SRRM4: variants seen among roughly 807,000 people sequenced by gnomAD.
The protein encoded by SRRM4 is serine/arginine repetitive matrix 4.
SRRM4 carries 33 observed loss-of-function variants against 68.9 expected under a neutral mutation model. The observed-to-expected ratio is 0.48, with a 90% CI of 0.36 to 0.64. The LOEUF (loss-of-function observed/expected upper bound fraction) is 0.64, where lower values mean the gene tolerates loss of function less well. Among genes scored for constraint, SRRM4 ranks in the 30% least tolerant of loss-of-function variants. SRRM4 has a pLI of 0.00. For missense variants in SRRM4, 817 were observed against 827.1 expected, an observed-to-expected ratio of 0.99 and a Z score of 0.15; for synonymous variants, 318 against 318.8, an observed-to-expected ratio of 1.00 and a Z score of 0.03.
chr12:119,086,258 G>A (rs939018976), intron 1 of SRRM4, among the ~76,000 whole-genome samples: 1 of 152,130 alleles, frequency 6.6e-6, no homozygotes, highest in African/African-American at 2.4e-5. Context: ...TCTTAGTTGG[G>A]CGCAAGTAAA....
intron 1 of SRRM4, among the ~76,000 whole-genome samples, chr12:119,026,397 A>G (rs866032299): frequency 6.6e-6 from 1 of 151,992 alleles, no homozygotes; most frequent in African/African-American, 2.4e-5. Context: ...GTGAGCGGTA[A>G]GAAAAAGGAC....
intron 1 of SRRM4, among the ~76,000 whole-genome samples, chr12:119,052,138 G>A (rs914654683): frequency 4.6e-5 from 7 of 152,166 alleles, no homozygotes; most frequent in East Asian, 1.9e-4. Flanking sequence ...GATGCAATGC[G>A]CCCAATTCAT....
chr12:119,058,849 TC>T, intron 1 of SRRM4, among the ~76,000 whole-genome samples: 1 of 152,300 alleles, frequency 6.6e-6, no homozygotes, highest in East Asian at 1.9e-4. Flanking sequence ...CTCTAAGGCT[TC>T]CCCTGCCAAT....
intron 1 of SRRM4, among the ~76,000 whole-genome samples, chr12:119,017,575 A>G (rs1953489629): frequency 6.6e-6 from 1 of 152,156 alleles, no homozygotes; most frequent in South Asian, 2.1e-4. Context: ...GAGTGGGAGC[A>G]GGGGAGGAGA....
chr12:119,091,391 G>T (rs1954013532), intron 1 of SRRM4, among the ~76,000 whole-genome samples: 1 of 152,098 alleles, frequency 6.6e-6, no homozygotes, highest in South Asian at 2.1e-4. Context: ...GATCTCCTGG[G>T]ACCCTCAAGA....
chr12:119,124,190 G>A (rs1954242610), intron 6 of SRRM4: 1 of 152,248 alleles, frequency 6.6e-6, no homozygotes, highest in Admixed American at 6.5e-5. Context: ...TGGGTTACCT[G>A]TCATCATCAC....
rs1304182776 is a variant in SRRM4, at chr12:119,162,606, TC to T, written c.*5809del. On this transcript the variant is annotated 3_prime_UTR_variant, in exon 13 of 13. Coordinates refer to ENST00000267260, the MANE Select transcript of SRRM4 (RefSeq NM_194286.4). ...GTCCAACATTCCCTTGGTAGCTTTT[TC>T]TCCGGGGTCCTGTGCTATAAGAACT... The T allele has an allele frequency of 6.6e-6, 1 of 152,156 alleles. No homozygotes were observed. The highest frequency in any genetic ancestry group is 1.5e-5 in the Non-Finnish European group (1 of 68,036). The allele number at this position is 152,156 out of a possible 1,614,324, so 9.4% of individuals were successfully genotyped here. A position where few individuals can be genotyped will look rare whatever the true frequency, so the allele number is the denominator to read the frequency against.
intron 1 of SRRM4, among the ~76,000 whole-genome samples, chr12:119,072,857 G>T (rs144866024): frequency 6.6e-6 from 1 of 152,280 alleles, no homozygotes; most frequent in African/African-American, 2.4e-5. Context: ...TACCCCCATT[G>T]TACAGAAGGA....
chr12:119,114,385 A>C lies in SRRM4; in HGVS notation c.365+21A>C. Reference sequence around the variant, plus strand: ...AGGAGGTAAGAGCACCAAGAGGGAGATAAAACCTGTAAGATGCAGGCAGGG... The same window carrying C: ...AGGAGGTAAGAGCACCAAGAGGGAGCTAAAACCTGTAAGATGCAGGCAGGG... On this transcript the variant is annotated intron_variant, in intron 3 of 12. Transcript: ENST00000267260. 3 of 1,585,824 alleles carry C rather than the reference A, an allele frequency of 1.9e-6. No individual in the cohort carries two copies. The South Asian group carries it at 3.4e-5, about 18-fold the overall frequency.
chr12:119,015,029 G>A (rs1448659897), intron 1 of SRRM4, among the ~76,000 whole-genome samples: 1 of 152,154 alleles, frequency 6.6e-6, no homozygotes, highest in African/African-American at 2.4e-5. Context: ...ATAAATACTC[G>A]ATTGTGATCT....
At chr12:119,099,342 C>T (rs1159860376) in intron 1 of SRRM4, among the ~76,000 whole-genome samples, 1 of 152,182 alleles carries the variant, frequency 6.6e-6, no homozygotes, top group African/African-American at 2.4e-5. Flanking sequence ...CCATATTGGC[C>T]AGGCTGGTCT....
intron 5 of SRRM4, 43 bp from the exon 6 acceptor site, chr12:119,122,027 T>G: frequency 7.4e-7 from 1 of 1,347,158 alleles, no homozygotes; most frequent in Non-Finnish European, 1.1e-6. Context: ...TATCTTTAAC[T>G]AGAATTTTGC....
chr12:119,019,313 C>T (rs1190518250), intron 1 of SRRM4, among the ~76,000 whole-genome samples: 2 of 152,168 alleles, frequency 1.3e-5, no homozygotes, highest in East Asian at 3.8e-4. Context: ...ACACGTCAAC[C>T]ATCCCCCGGG....
intron 1 of SRRM4, among the ~76,000 whole-genome samples, chr12:119,091,314 G>A (rs759110394): frequency 6.6e-6 from 1 of 152,158 alleles, no homozygotes; most frequent in Non-Finnish European, 1.5e-5. Context: ...TAGGTTCCAG[G>A]ATCATTTCTA....
intron 1 of SRRM4, among the ~76,000 whole-genome samples, chr12:119,051,685 G>A: frequency 6.6e-6 from 1 of 152,226 alleles, no homozygotes; most frequent in African/African-American, 2.4e-5. Context: ...ACATATTAAA[G>A]GCACTGATAA....
chr12:119,004,141 C>G (rs538490030), intron 1 of SRRM4, among the ~76,000 whole-genome samples: 6 of 152,056 alleles, frequency 3.9e-5, no homozygotes, highest in African/African-American at 1.4e-4. Context: ...ATTTGATCTT[C>G]TTTTTCTTAA....
At position 119,163,013 on chromosome 12, in the gene SRRM4, C is replaced by G. The variant is rs545024113; in HGVS notation, c.*6215C>G. On this transcript the variant is annotated 3_prime_UTR_variant, in exon 13 of 13. Coordinates refer to ENST00000267260, the MANE Select transcript of SRRM4 (RefSeq NM_194286.4). ...GTTTTTCAGCCTGTACGAAACATGT[C>G]TCTGTTCTAATTAAAGTTCCCATGG... The G allele has an allele frequency of 8.5e-5, 13 of 152,278 alleles. No homozygotes were observed. The highest frequency in any genetic ancestry group is 3.1e-4 in the African/African-American group (13 of 41,556). 9.4% of individuals were successfully genotyped at this position (152,278 alleles called of 1,614,324 possible).
In SRRM4 at chr12:119,153,416, C is replaced by T. The variant is rs986077164; in HGVS notation, c.1281-123C>T. 4.7e-6 allele frequency: 3 copies of T among 638,184 alleles called. No individual in the cohort carries two copies. The African/African-American group carries it at 5.5e-5, about 12-fold the overall frequency. 39.5% of individuals were successfully genotyped at this position (638,184 alleles called of 1,614,324 possible). ...ATTCTTTGATCGGGGCCCAGTTCCT[C>T]TGCCTGGCTTCCAGAAAGAAAAAGG... On this transcript the variant is annotated intron_variant, in intron 10 of 12. Coordinates refer to ENST00000267260, the MANE Select transcript of SRRM4 (RefSeq NM_194286.4).
intron 1 of SRRM4, among the ~76,000 whole-genome samples, chr12:119,093,831 G>A (rs1332216555): frequency 1.3e-5 from 2 of 152,136 alleles, no homozygotes; most frequent in South Asian, 2.1e-4. Context: ...CTCAACAATC[G>A]AATCCAATCC....
Sources: gnomAD v4.1 joint callset for allele counts (sites outside exome capture counted in the v4.1 genomes callset) on GRCh38, gnomAD v4.1.1 for gene constraint, MANE v1.5 for transcripts, NCBI Gene and HGNC (gene_info 2026-07-23, HGNC 2026-07-21) for gene names.